ARFGAP3: variants seen among roughly 807,000 people sequenced by gnomAD.
ARFGAP3 encodes ARF GTPase activating protein 3.
ARFGAP3 carries 72 observed loss-of-function variants against 75.0 expected under a neutral mutation model. That is an observed-to-expected ratio of 0.96 (90% confidence interval 0.79 to 1.17). The LOEUF (loss-of-function observed/expected upper bound fraction) is 1.17. ARFGAP3 is among the 50% of genes most tolerant of loss of function. The pLI is 0.00. For synonymous variants in ARFGAP3, 221 were observed against 217.9 expected (o/e 1.01, Z -0.13); for missense variants, 620 against 626.6 (o/e 0.99, Z 0.11).
At chr22:42,802,286 CAAT>C (rs1924897411) in intron 14 of ARFGAP3, among the ~76,000 whole-genome samples, 1 of 149,672 alleles carries the variant, frequency 6.7e-6, no homozygotes, top group Admixed American at 6.6e-5. Flanking sequence ...CTCAAAATAA[CAAT>C]TTTTTTTTTT....
chr22:42,852,772 T>C (rs533544716), intron 1 of ARFGAP3, among the ~76,000 whole-genome samples: 3 of 152,190 alleles, frequency 2.0e-5, no homozygotes, highest in Non-Finnish European at 4.4e-5. Flanking sequence ...ATTTTATTTG[T>C]GTGTGCGTGT....
chr22:42,820,304 C>A (rs946724834), intron 9 of ARFGAP3, among the ~76,000 whole-genome samples: 1 of 152,192 alleles, frequency 6.6e-6, no homozygotes, highest in African/African-American at 2.4e-5. Flanking sequence ...GACAAGTCAA[C>A]GTAAATTTTT....
intron 11 of ARFGAP3, among the ~76,000 whole-genome samples, chr22:42,812,417 T>A (rs1186041849): frequency 1.3e-5 from 2 of 152,042 alleles, no homozygotes; most frequent in East Asian, 3.9e-4. Flanking sequence ...TTAACAGACA[T>A]CATCCAGGTT....
chr22:42,803,794 C>T (rs1924986693), intron 14 of ARFGAP3, among the ~76,000 whole-genome samples: 1 of 152,166 alleles, frequency 6.6e-6, no homozygotes, highest in Non-Finnish European at 1.5e-5. Context: ...TAGAAACACC[C>T]CCAGAAAGCA....
At chr22:42,819,471 A>T (rs1243890212) in intron 9 of ARFGAP3, among the ~76,000 whole-genome samples, 1 of 152,198 alleles carries the variant, frequency 6.6e-6, no homozygotes, top group Admixed American at 6.5e-5. Flanking sequence ...TTACGAGAAC[A>T]TCTCTCTGGA....
chr22:42,815,586 G>A (rs1383712189), intron 11 of ARFGAP3, among the ~76,000 whole-genome samples: 2 of 151,990 alleles, frequency 1.3e-5, no homozygotes, highest in African/African-American at 4.8e-5. Context: ...TTCTATATAT[G>A]AAGTGCATGT....
chr22:42,805,988 C>T (rs1925102740), intron 14 of ARFGAP3, among the ~76,000 whole-genome samples: 1 of 152,232 alleles, frequency 6.6e-6, no homozygotes, highest in African/African-American at 2.4e-5. Context: ...ATCCCCAAAC[C>T]ACAACCCAGA....
chr22:42,809,285 C>T (rs555834047), intron 12 of ARFGAP3, among the ~76,000 whole-genome samples: 1 of 152,222 alleles, frequency 6.6e-6, no homozygotes, highest in South Asian at 2.1e-4. Context: ...TTAGTAGTAC[C>T]CCCTTGCACT....
In ARFGAP3 at chr22:42,823,681, T is replaced by C. The variant is rs750748125; in HGVS notation, c.647A>G (p.Lys216Arg). Residue 216 changes from lysine (K) to arginine (R), a missense_variant, in exon 8 of 16, where the codon AAG becomes AGG. Coordinates refer to ENST00000263245, the MANE Select transcript of ARFGAP3 (RefSeq NM_014570.5). ...ATLEVSSIIK[K>R]KPNQAKKGLG... is the part of the protein sequence containing the mutation. The stretch of plus-strand genomic sequence containing the variant: ...GCCTTTTTTAGCTTGATTTGGTTTC[T>C]TTTTTATGATAGAGGATACCTCTGC... The C allele has an allele frequency of 1.9e-6, 3 of 1,570,822 alleles. No individual in the cohort carries two copies. The highest frequency in any genetic ancestry group is 8.7e-7 in the Non-Finnish European group (1 of 1,154,514).
intron 6 of ARFGAP3, among the ~76,000 whole-genome samples, chr22:42,829,239 C>G (rs1428172447): frequency 6.6e-6 from 1 of 152,102 alleles, no homozygotes. Flanking sequence ...AACTAAGAAA[C>G]GCAGTAATTT....
intron 11 of ARFGAP3, among the ~76,000 whole-genome samples, chr22:42,814,965 TG>T (rs756448593): frequency 6.6e-6 from 1 of 152,220 alleles, no homozygotes; most frequent in Non-Finnish European, 1.5e-5. Flanking sequence ...CCTGAATTCC[TG>T]GGCTCGAGTG....
Position 42,801,813 on chromosome 22 carries a change from G to A in ARFGAP3, c.1412-2653C>T, listed in dbSNP as rs1463570905. ...CAGTCCACTGGGGGAGACGGTCTTCGCATGGTCTTGCCCTCAGTGTAAGGC... is the reference window on the plus strand; with the variant it reads ...CAGTCCACTGGGGGAGACGGTCTTCACATGGTCTTGCCCTCAGTGTAAGGC... On this transcript the variant is annotated intron_variant, in intron 14 of 15. Transcript: ENST00000263245. Among the ~76,000 whole-genome samples, 4 of 152,256 alleles carry A rather than the reference G, an allele frequency of 2.6e-5. No individual in the cohort carries two copies. The East Asian group carries it at 5.8e-4, about 22-fold the overall frequency.
intron 7 of ARFGAP3, among the ~76,000 whole-genome samples, chr22:42,825,942 T>C (rs1206252795): frequency 7.2e-5 from 11 of 152,094 alleles, no homozygotes; most frequent in Non-Finnish European, 1.0e-4. Context: ...AAGATAACAA[T>C]CTTTAGCCGT....
At chr22:42,817,505 T>C (rs1925630170) in intron 10 of ARFGAP3, 1 of 228,626 alleles carries the variant, frequency 4.4e-6, no homozygotes, top group African/African-American at 2.3e-5. Context: ...TCCTCTCTGG[T>C]AGGTGCTTCA....
intron 7 of ARFGAP3, among the ~76,000 whole-genome samples, chr22:42,824,378 A>G (rs535062991): frequency 3.9e-5 from 6 of 151,942 alleles, no homozygotes; most frequent in African/African-American, 1.4e-4. Context: ...AATTTTTTAG[A>G]GATGGTCTCA....
intron 2 of ARFGAP3, among the ~76,000 whole-genome samples, chr22:42,846,976 G>A (rs1927047711): frequency 6.6e-6 from 1 of 152,140 alleles, no homozygotes; most frequent in Non-Finnish European, 1.5e-5. Context: ...CTTACTGGTT[G>A]GACTCTGTAG....
rs1925335067 is a variant in ARFGAP3 at position 42,810,812 on chromosome 22, C to G, written c.1196+1G>C. On this transcript the variant is annotated splice_donor_variant, in intron 12 of 15. Transcript: ENST00000263245. LOFTEE classifies it high-confidence loss of function. ...ACAACCCCACAGTTTTGCATTCATACCTGTCTGAATAGCCTGTGGTTTTCA... is the reference window on the plus strand; with the variant it reads ...ACAACCCCACAGTTTTGCATTCATAGCTGTCTGAATAGCCTGTGGTTTTCA... 4 of 1,612,266 alleles carry G rather than the reference C, an allele frequency of 2.5e-6. No homozygotes were observed. Among genetic ancestry groups the G allele is most frequent in the Non-Finnish European group, 3.4e-6 (4 of 1,178,904 alleles).
rs148257285 is a variant in ARFGAP3 at position 42,816,501 on chromosome 22, T to A, written c.1064+641A>T. ...CAGACCTCTCACTGGGCCGAGCAGG[T>A]CCTTACGAAGTGAACTGACTCAAGT... On this transcript the variant is annotated intron_variant, in intron 11 of 15. Coordinates refer to ENST00000263245, the MANE Select transcript of ARFGAP3 (RefSeq NM_014570.5). 4.4e-3 allele frequency among the ~76,000 whole-genome samples: 669 copies of A among 152,306 alleles called. 7 individuals carry two copies. Among genetic ancestry groups the A allele is most frequent in the African/African-American group, 0.016 (651 of 41,570 alleles).
In ARFGAP3 at chr22:42,807,137, C is replaced by A. The variant is rs1166961919; in HGVS notation, c.1347G>T (p.Arg449Ser). The A allele has an allele frequency of 6.2e-7, 1 of 1,612,616 alleles. No individual in the cohort carries two copies. Among genetic ancestry groups the A allele is most frequent in the Admixed American group, 1.7e-5 (1 of 59,824 alleles). Residue 449 changes from arginine to serine, a missense_variant, in exon 14 of 16, where the codon AGG becomes AGT. Physicochemically the swap from Arg to Ser is moderately radical, Grantham distance 110. Coordinates refer to ENST00000263245, the MANE Select transcript of ARFGAP3 (RefSeq NM_014570.5). ...AGCTTATGGAGGAACTTGCCGACAG[C>A]CTCTCTAGGCGGGCCCTGGTCTCAT... ...ADYETRARLE[R>S]LSASSSISSA...
Sources: gnomAD v4.1 joint callset for allele counts (sites outside exome capture counted in the v4.1 genomes callset) on GRCh38, gnomAD v4.1.1 for gene constraint, MANE v1.5 for transcripts, NCBI Gene and HGNC (gene_info 2026-07-23, HGNC 2026-07-21) for gene names.